The following RAB11FIP1 variants were observed in gnomAD, a reference collection of about 807,000 sequenced individuals.
RAB11FIP1 encodes the protein RAB11 family interacting protein 1, also known as rab11 family-interacting protein 1.
RAB11FIP1 carries 49 observed loss-of-function variants against 83.1 expected under a neutral mutation model. The ratio of observed to expected loss-of-function variants is 0.59; its 90% CI spans 0.47 to 0.75. The LOEUF (loss-of-function observed/expected upper bound fraction) is 0.75, where lower values mean the gene tolerates loss of function less well. RAB11FIP1 is among the 30% of genes least tolerant of loss of function. The probability of loss-of-function intolerance (pLI) is 0.00; values close to 1 mark genes in which losing one functional copy is unlikely to be tolerated. For missense variants in RAB11FIP1, 1,536 were observed against 1,598.7 expected (o/e 0.96, Z 0.67); for synonymous variants, 670 against 656.0 (o/e 1.02, Z -0.33).
intron 1 of RAB11FIP1, among the ~76,000 whole-genome samples, chr8:37,894,711 CATATATATATACAT>C (rs1305502483): frequency 6.9e-6 from 1 of 145,060 alleles, no homozygotes; most frequent in Non-Finnish European, 1.5e-5. Flanking sequence ...CATATATATA[CATATATATATACAT>C]ATATATATAT....
chr8:37,899,489 G>T lies in RAB11FIP1; in HGVS notation c.-48C>A, dbSNP rs35705579. The stretch of plus-strand genomic sequence containing the variant: ...CGAGGAGAAGATCGCCGCGACTGGC[G>T]GCCTCCACGGCCCGCCCCGGCGACC... On this transcript the variant is annotated 5_prime_UTR_variant, in exon 1 of 6. Coordinates refer to ENST00000330843, the MANE Select transcript of RAB11FIP1 (RefSeq NM_001002814.3). This position sits in a 1 kb window ranked among gnomAD's most constrained non-coding sequence, Gnocchi z 4.5. 1.7e-5 allele frequency: 25 copies of T among 1,481,022 alleles called. No homozygotes were observed. The highest frequency in any genetic ancestry group is 2.1e-5 in the Non-Finnish European group (23 of 1,120,082). 91.7% of individuals were successfully genotyped at this position (1,481,022 alleles called of 1,614,324 possible). A position where few individuals can be genotyped will look rare whatever the true frequency, so the allele number is the denominator to read the frequency against.
Position 37,899,398 on chromosome 8 carries a change from C to A in RAB11FIP1, c.44G>T (p.Trp15Leu). ...VSAGRGLGAV[W>L]SPTHVQVTVL... ...CGTCACCTGCACGTGGGTTGGGGACCACACGGCCCCCAGGCCCCGGCCAGC... is the reference window on the plus strand; with the variant it reads ...CGTCACCTGCACGTGGGTTGGGGACAACACGGCCCCCAGGCCCCGGCCAGC... The change falls in exon 1 of 6, where the codon TGG (tryptophan) becomes TTG (leucine). Residue 15 changes from tryptophan (W) to leucine (L), a missense_variant. Physicochemically the swap from Trp to Leu is moderately conservative, Grantham distance 61. Transcript: ENST00000330843. This position sits in a 1 kb window ranked among gnomAD's most constrained non-coding sequence, Gnocchi z 4.5. The A allele has an allele frequency of 6.3e-7, 1 of 1,594,278 alleles. No homozygotes were observed. The highest frequency in any genetic ancestry group is 1.7e-5 in the Admixed American group (1 of 57,968).
chr8:37,888,745 A>T (rs1806886059), intron 1 of RAB11FIP1, among the ~76,000 whole-genome samples: 1 of 151,496 alleles, frequency 6.6e-6, no homozygotes, highest in East Asian at 1.9e-4. Flanking sequence ...GATTACAGGA[A>T]TGAGCCACCA....
At chr8:37,878,591 C>T (rs768999279) in intron 1 of RAB11FIP1, among the ~76,000 whole-genome samples, 12 of 142,392 alleles carry the variant, frequency 8.4e-5, no homozygotes, top group African/African-American at 1.6e-4. Flanking sequence ...AGAAGGGTGG[C>T]GTGCAAATGA....
chr8:37,898,884 C>T (rs1341882171), intron 1 of RAB11FIP1, among the ~76,000 whole-genome samples, 187 bp downstream of exon 1: 1 of 151,874 alleles, frequency 6.6e-6, no homozygotes, highest in African/African-American at 2.4e-5. Flanking sequence ...CCAAAGCTGG[C>T]AGAGCTGGGC....
intron 1 of RAB11FIP1, among the ~76,000 whole-genome samples, chr8:37,879,808 G>A (rs1237412475): frequency 3.9e-5 from 6 of 152,092 alleles, no homozygotes; most frequent in Admixed American, 2.6e-4. Context: ...GCTTGAACCC[G>A]GGAGAGGGAG....
At position 37,862,561 on chromosome 8, in the gene RAB11FIP1, C is replaced by A. The variant is rs1305227575; in HGVS notation, c.*334G>T. The A allele has an allele frequency of 4.9e-6, 1 of 203,156 alleles. No homozygotes were observed. Among genetic ancestry groups the A allele is most frequent in the South Asian group, 1.1e-4 (1 of 9,434 alleles). The allele number at this position is 203,156 out of a possible 1,614,324, so 12.6% of individuals were successfully genotyped here. On this transcript the variant is annotated 3_prime_UTR_variant, in exon 6 of 6. Transcript: ENST00000330843. Reference sequence around the variant, plus strand: ...AATCTCAGTATGAAAGAAAGAAAACCCCAGTGTTAAAATACATGAATACTT... The same window carrying A: ...AATCTCAGTATGAAAGAAAGAAAACACCAGTGTTAAAATACATGAATACTT...
chr8:37,876,262 G>A lies in RAB11FIP1; in HGVS notation c.814+847C>T, dbSNP rs7836051. Among the ~76,000 whole-genome samples the A allele has an allele frequency of 8.2e-3, 1,140 of 138,254 alleles. 20 individuals are homozygous for A. The highest frequency in any genetic ancestry group is 0.032 in the African/African-American group (1,050 of 33,314). The allele number at this position is 138,254 out of a possible 152,430, so 90.7% of individuals were successfully genotyped here. On this transcript the variant is annotated intron_variant, in intron 2 of 5. Transcript: ENST00000330843. ...GGAAGGAAGGAAGGAAGGAAGGAAG[G>A]AAGAAAGAAGGAAAGAAACCAGAGG...
chr8:37,877,670 T>C, intron 1 of RAB11FIP1, 119 bp from the exon 2 acceptor site: 1 of 626,650 alleles, frequency 1.6e-6, no homozygotes, highest in Non-Finnish European at 2.8e-6. Flanking sequence ...GCATGCATTC[T>C]CATGCTTTCT....
intron 1 of RAB11FIP1, among the ~76,000 whole-genome samples, chr8:37,891,903 G>A (rs1053397715): frequency 6.6e-6 from 1 of 152,198 alleles, no homozygotes; most frequent in African/African-American, 2.4e-5. Flanking sequence ...GCGGTACTGA[G>A]TGGGTAATCA....
In RAB11FIP1 at chr8:37,871,904, T is replaced by C. The variant is rs1426904581; in HGVS notation, c.2898A>G (p.Ala966=). 22 of 1,614,084 alleles carry C rather than the reference T, an allele frequency of 1.4e-5. No individual in the cohort carries two copies. In the Admixed American group the frequency reaches 2.0e-4, roughly 15 times the overall value. ...CCTGATCTATTCTTTCATCATCCGA[T>C]GCGACTTCAGGAATGGAAGGAAGGC... The part of the protein sequence containing the change: ...NLSLPSIPEV[A]SDDERIDQVE... Residue 966 remains alanine, a synonymous_variant, in exon 4 of 6, where the codon GCA becomes GCG. Transcript: ENST00000330843.
chr8:37,877,033 G>C (rs576879569), intron 2 of RAB11FIP1, 76 bp downstream of exon 2: 21 of 1,054,592 alleles, frequency 2.0e-5, no homozygotes, highest in Non-Finnish European at 2.8e-5. Flanking sequence ...CTTGAGATTT[G>C]TCTGTTTCTT....
rs146042883 is a variant in RAB11FIP1 at position 37,892,425 on chromosome 8, ATATTTATT to A, written c.371+6638_371+6645del. Among the ~76,000 whole-genome samples, 830 of 144,144 alleles carry A rather than the reference ATATTTATT, an allele frequency of 5.8e-3. 7 individuals carry two copies. The highest frequency in any genetic ancestry group is 0.013 in the South Asian group (59 of 4,454). The allele number at this position is 144,144 out of a possible 152,430, so 94.6% of individuals were successfully genotyped here. Reference sequence around the variant, plus strand: ...CCGTATCAACCCACTACTTTTATTTATATTTATTTATTTATTTATTTATTTATTTATTT... The same window carrying A: ...CCGTATCAACCCACTACTTTTATTTATATTTATTTATTTATTTATTTATTT... On this transcript the variant is annotated intron_variant, in intron 1 of 5. Transcript: ENST00000330843.
intron 1 of RAB11FIP1, among the ~76,000 whole-genome samples, chr8:37,885,280 C>A (rs183237986): frequency 6.6e-6 from 1 of 152,160 alleles, no homozygotes; most frequent in African/African-American, 2.4e-5. Context: ...CAGGTGTGAG[C>A]CAGAAGGCCC....
In RAB11FIP1 at chr8:37,874,532, G is replaced by C; in HGVS notation, c.1605C>G (p.Thr535=). The C allele has an allele frequency of 1.9e-6, 3 of 1,614,106 alleles. No homozygotes were observed. Among genetic ancestry groups the C allele is most frequent in the African/African-American group, 2.7e-5 (2 of 75,054 alleles). Residue 535 remains threonine (T), a synonymous_variant, in exon 3 of 6, where the codon ACC becomes ACG. Transcript: ENST00000330843. The stretch of plus-strand genomic sequence containing the variant: ...AAACTCACCGGGGCTTGACAGCTCT[G>C]GTCTGGGGAGCCCTCGGAGAGGAAA... The part of the protein sequence containing the change: ...PPISSPRAPQ[T]RAVKPRLEVS...
chr8:37,887,859 A>G lies in RAB11FIP1; in HGVS notation c.372-10308T>C, dbSNP rs570436871. 2.6e-5 allele frequency among the ~76,000 whole-genome samples: 4 copies of G among 152,340 alleles called. No individual in the cohort carries two copies. In the South Asian group the frequency reaches 8.3e-4, roughly 32 times the overall value. On this transcript the variant is annotated intron_variant, in intron 1 of 5. Coordinates refer to ENST00000330843, the MANE Select transcript of RAB11FIP1 (RefSeq NM_001002814.3). ...GTAGTGCATTATACATTACTGGCTTATAATCGTCAAACTTATAATTTTGAA... is the reference window on the plus strand; with the variant it reads ...GTAGTGCATTATACATTACTGGCTTGTAATCGTCAAACTTATAATTTTGAA...
At chr8:37,883,928 C>T (rs1406839293) in intron 1 of RAB11FIP1, among the ~76,000 whole-genome samples, 4 of 152,070 alleles carry the variant, frequency 2.6e-5, no homozygotes, top group Admixed American at 1.3e-4. Context: ...ATCTTGCCAC[C>T]TATCAAAAGT....
intron 4 of RAB11FIP1, 199 bp from the exon 5 acceptor site, chr8:37,870,727 C>G (rs1806436171): frequency 2.0e-6 from 1 of 498,822 alleles, no homozygotes; most frequent in Non-Finnish European, 3.6e-6. Context: ...CACATGCAAG[C>G]CAGGAAAGCA....
intron 1 of RAB11FIP1, among the ~76,000 whole-genome samples, chr8:37,889,844 C>T (rs1026767664): frequency 8.6e-5 from 13 of 151,996 alleles, no homozygotes; most frequent in Admixed American, 3.3e-4. Flanking sequence ...AGTGCAGTGG[C>T]GGGATCTTGG....
Sources: allele counts gnomAD v4.1 joint callset (sites outside exome capture counted in the v4.1 genomes callset), GRCh38; gene constraint gnomAD v4.1.1; non-coding constraint Gnocchi (gnomAD v3.1); transcripts MANE v1.5; gene names NCBI Gene and HGNC (gene_info 2026-07-23, HGNC 2026-07-21).